The following ZNF385D variants were observed in gnomAD, a reference collection of about 807,000 sequenced individuals.
The protein encoded by ZNF385D is zinc finger protein 659.
A neutral mutation model predicts 35.8 loss-of-function variants in ZNF385D; 15 were observed. The observed-to-expected ratio is 0.42, with a 90% CI of 0.28 to 0.64. The LOEUF (loss-of-function observed/expected upper bound fraction) is 0.64. Among genes scored for constraint, ZNF385D ranks in the 30% least tolerant of loss-of-function variants. The pLI is 0.23. For synonymous variants in ZNF385D, 212 were observed against 186.8 expected, an observed-to-expected ratio of 1.13 and a Z score of -1.10; for missense variants, 474 against 494.6, an observed-to-expected ratio of 0.96 and a Z score of 0.39.
chr3:21,474,655 T>G (rs1704116369), intron 4 of ZNF385D, among the ~76,000 whole-genome samples: 1 of 152,076 alleles, frequency 6.6e-6, no homozygotes, highest in Admixed American at 6.6e-5. Context: ...TTTTAATGTG[T>G]TGTAAATCCT....
intron 2 of ZNF385D, among the ~76,000 whole-genome samples, chr3:22,275,076 G>A (rs1000093622): frequency 6.6e-6 from 1 of 152,022 alleles, no homozygotes; most frequent in African/African-American, 2.4e-5. Flanking sequence ...ACTTGAAAAT[G>A]TTATTTCTCA....
At chr3:22,312,330 T>C (rs1456292879) in intron 2 of ZNF385D, among the ~76,000 whole-genome samples, 1 of 152,030 alleles carries the variant, frequency 6.6e-6, no homozygotes, top group Admixed American at 6.6e-5. Context: ...CATTAGAGCA[T>C]GAAGATACAA....
At chr3:22,045,313 T>C (rs1012859055) in intron 3 of ZNF385D, among the ~76,000 whole-genome samples, 1 of 152,082 alleles carries the variant, frequency 6.6e-6, no homozygotes, top group African/African-American at 2.4e-5. Flanking sequence ...CTTGGTGTGA[T>C]CATATAATAA....
At chr3:22,272,936 G>A (rs1397849108) in intron 2 of ZNF385D, among the ~76,000 whole-genome samples, 1 of 151,726 alleles carries the variant, frequency 6.6e-6, no homozygotes, top group Non-Finnish European at 1.5e-5. Context: ...AAATAAGAGA[G>A]GACAAAATTA....
At chr3:22,225,734 G>A (rs759470951) in intron 2 of ZNF385D, among the ~76,000 whole-genome samples, 6 of 152,014 alleles carry the variant, frequency 3.9e-5, no homozygotes, top group Non-Finnish European at 8.8e-5. Flanking sequence ...TTAAATTCTT[G>A]TCACAAGGTC....
intron 3 of ZNF385D, among the ~76,000 whole-genome samples, chr3:22,144,958 G>T (rs775393092): frequency 6.6e-6 from 1 of 151,770 alleles, no homozygotes; most frequent in Non-Finnish European, 1.5e-5. Context: ...TTATTTAATA[G>T]GTAATCATAA....
rs148800620 is a variant in ZNF385D, at chr3:22,130,657, T to G, written c.325+38160A>C. On this transcript the variant is annotated intron_variant, in intron 3 of 5. Coordinates refer to the ZNF385D transcript ENST00000494108. Reference sequence around the variant, plus strand: ...TTCCCCCAAGAGCACAGATTCTCTCTTCCCACACCATTTGACACTGCTGGG... The same window carrying G: ...TTCCCCCAAGAGCACAGATTCTCTCGTCCCACACCATTTGACACTGCTGGG... Among the ~76,000 whole-genome samples, 454 of 152,274 alleles carry G rather than the reference T, an allele frequency of 3.0e-3. 3 individuals carry two copies. Among genetic ancestry groups the G allele is most frequent in the African/African-American group, 0.01 (427 of 41,560 alleles).
chr3:21,935,213 A>G (rs1701201572), intron 3 of ZNF385D, among the ~76,000 whole-genome samples: 1 of 152,198 alleles, frequency 6.6e-6, no homozygotes, highest in African/African-American at 2.4e-5. Context: ...CATTGATATT[A>G]GCAATTAAGT....
rs571843607 is a variant in ZNF385D at position 22,366,749 on chromosome 3, G to C, written c.106+5701C>G. On this transcript the variant is annotated intron_variant, in intron 2 of 5. Transcript: ENST00000494108. ...TATTTGGAAAAAGGGTTTTTCATATGTTATTACATTAAGGATTTTTAAGTG... is the reference window on the plus strand; with the variant it reads ...TATTTGGAAAAAGGGTTTTTCATATCTTATTACATTAAGGATTTTTAAGTG... 3.3e-5 allele frequency among the ~76,000 whole-genome samples: 5 copies of C among 152,248 alleles called. No homozygotes were observed. In the East Asian group the frequency reaches 9.7e-4, roughly 29 times the overall value.
At chr3:21,765,806 G>C (rs1056734065) in intron 3 of ZNF385D, among the ~76,000 whole-genome samples, 2 of 151,978 alleles carry the variant, frequency 1.3e-5, no homozygotes, top group African/African-American at 2.4e-5. Context: ...ATGTAGGCTA[G>C]GTAGGCTTTG....
At chr3:21,488,306 G>C (rs13082898) in intron 4 of ZNF385D, among the ~76,000 whole-genome samples, 31,912 of 150,146 alleles carry the variant, frequency 0.21, 4,065 homozygotes, top group East Asian at 0.51. Flanking sequence ...AGCATGCCAG[G>C]GTTTTAAATT....
chr3:21,489,387 AAG>A (rs1705253386), intron 4 of ZNF385D, among the ~76,000 whole-genome samples: 1 of 152,140 alleles, frequency 6.6e-6, no homozygotes, highest in African/African-American at 2.4e-5. Context: ...GGGTATAGCA[AAG>A]AGAGGATTTA....
At chr3:22,216,471 T>C (rs1197617555) in intron 2 of ZNF385D, among the ~76,000 whole-genome samples, 2 of 152,114 alleles carry the variant, frequency 1.3e-5, no homozygotes, top group African/African-American at 4.8e-5. Context: ...TTAAAATAAC[T>C]AGCGTTCTTC....
intron 3 of ZNF385D, among the ~76,000 whole-genome samples, chr3:21,808,552 G>C (rs955004939): frequency 1.3e-5 from 2 of 152,184 alleles, no homozygotes; most frequent in Admixed American, 1.3e-4. Flanking sequence ...TCTTTGCCTT[G>C]CAAGTGCTTG....
intron 2 of ZNF385D, among the ~76,000 whole-genome samples, chr3:21,634,338 G>A: frequency 6.8e-6 from 1 of 147,794 alleles, no homozygotes; most frequent in Admixed American, 6.9e-5. Context: ...AAGGAAGGGA[G>A]AGAGGAAAGA....
intron 2 of ZNF385D, among the ~76,000 whole-genome samples, chr3:22,290,469 G>A (rs942384632): frequency 2.0e-5 from 3 of 152,150 alleles, no homozygotes; most frequent in Non-Finnish European, 4.4e-5. Flanking sequence ...AAGCTGGGAA[G>A]GGGACATAGC....
At chr3:21,881,629 G>A (rs1271052169) in intron 3 of ZNF385D, among the ~76,000 whole-genome samples, 1 of 151,956 alleles carries the variant, frequency 6.6e-6, no homozygotes, top group Non-Finnish European at 1.5e-5. Flanking sequence ...CATGAATCAA[G>A]GAGTAATTTT....
Position 21,465,467 on chromosome 3 carries a change from A to T in ZNF385D, c.440-28264T>A, listed in dbSNP as rs888088299. Among the ~76,000 whole-genome samples, 1 of 152,222 alleles carries T rather than the reference A, an allele frequency of 6.6e-6. No individual in the cohort carries two copies. Among genetic ancestry groups the T allele is most frequent in the Non-Finnish European group, 1.5e-5 (1 of 68,044 alleles). On this transcript the variant is annotated intron_variant, in intron 4 of 7. Transcript: ENST00000281523. The surrounding 1 kb of genome is among the most constrained non-coding windows in gnomAD (Gnocchi z 4.2). ...GGCCACAGCCTCTCATCACCTGGCC[A>T]GAGTAGGTAACATGAGACAAACCAT...
intron 3 of ZNF385D, among the ~76,000 whole-genome samples, chr3:21,762,151 A>C (rs969968374): frequency 2.0e-5 from 3 of 152,066 alleles, no homozygotes; most frequent in African/African-American, 7.2e-5. Flanking sequence ...TGCTGGGATT[A>C]CAGGCGTGAG....
Sources: gnomAD v4.1 joint callset for allele counts (sites outside exome capture counted in the v4.1 genomes callset) on GRCh38, gnomAD v4.1.1 for gene constraint, Gnocchi (gnomAD v3.1) non-coding constraint, MANE v1.5 for transcripts, NCBI Gene and HGNC (gene_info 2026-07-23, HGNC 2026-07-21) for gene names.